PHF24: variants seen among roughly 807,000 people sequenced by gnomAD.
The protein encoded by PHF24 is PHD finger protein 24.
A neutral mutation model predicts 42.6 loss-of-function variants in PHF24; 25 were observed. That is an observed-to-expected ratio of 0.59 (90% CI 0.43 to 0.82). The LOEUF (loss-of-function observed/expected upper bound fraction) is 0.82. PHF24 is among the 40% of genes least tolerant of loss of function. The pLI is 0.00. For synonymous variants in PHF24, 185 were observed against 204.8 expected (o/e 0.90, Z 0.83); for missense variants, 470 against 538.1 (o/e 0.87, Z 1.25).
chr9:34,977,663 G>A (rs1333331268), intron 7 of PHF24, 22 bp downstream of exon 7: 1 of 1,551,866 alleles, frequency 6.4e-7, no homozygotes, highest in Non-Finnish European at 8.8e-7. Context: ...CTCCTCACCT[G>A]GCCATTTGTA....
chr9:34,858,630 T>G, the PHF24 span, among the ~76,000 whole-genome samples: 2 of 152,222 alleles, frequency 1.3e-5, no homozygotes, highest in Non-Finnish European at 2.9e-5. Flanking sequence ...CCAAGGGTGC[T>G]GACTTGGCAC....
chr9:34,684,271 C>G, the PHF24 span, among the ~76,000 whole-genome samples: 1 of 152,168 alleles, frequency 6.6e-6, no homozygotes, highest in East Asian at 1.9e-4. Flanking sequence ...GGGTTGCAGA[C>G]AGTGATGAGG....
the PHF24 span, among the ~76,000 whole-genome samples, chr9:34,887,088 T>G: frequency 6.6e-6 from 1 of 152,198 alleles, no homozygotes; most frequent in African/African-American, 2.4e-5. Context: ...CTGCCAGTTG[T>G]TCAGGGCAAA....
the PHF24 span, chr9:34,834,638 G>A: frequency 6.5e-7 from 1 of 1,548,842 alleles, no homozygotes; most frequent in Admixed American, 2.0e-5. Context: ...TTTGCCACAG[G>A]GCTCATGCTG....
At chr9:34,851,383 G>A in the PHF24 span, among the ~76,000 whole-genome samples, 45 of 152,290 alleles carry the variant, frequency 3.0e-4, no homozygotes, top group South Asian at 1.5e-3. Context: ...GCGAGACTCC[G>A]TGGGTGTAGG....
chr9:34,766,155 T>C, the PHF24 span, among the ~76,000 whole-genome samples: 1 of 152,224 alleles, frequency 6.6e-6, no homozygotes, highest in Non-Finnish European at 1.5e-5. Flanking sequence ...ATTTCAACTT[T>C]GGTGAATCTG....
At chr9:34,683,125 A>C in the PHF24 span, among the ~76,000 whole-genome samples, 1 of 151,700 alleles carries the variant, frequency 6.6e-6, no homozygotes, top group Non-Finnish European at 1.5e-5. Context: ...CAATGGCACA[A>C]TCTCAGCTCA....
chr9:34,869,582 GCCTCC>G, the PHF24 span, among the ~76,000 whole-genome samples: 1 of 151,900 alleles, frequency 6.6e-6, no homozygotes, highest in Admixed American at 6.6e-5. Context: ...AGCTCCCCCT[GCCTCC>G]CACTTTACCC....
the PHF24 span, among the ~76,000 whole-genome samples, chr9:34,667,885 G>C: frequency 6.6e-6 from 1 of 152,166 alleles, no homozygotes; most frequent in Non-Finnish European, 1.5e-5. Context: ...TGTTTTAGGG[G>C]CTTCCTTGTG....
At chr9:34,942,047 G>A in the PHF24 span, among the ~76,000 whole-genome samples, 1 of 152,178 alleles carries the variant, frequency 6.6e-6, no homozygotes, top group Non-Finnish European at 1.5e-5. Flanking sequence ...AGCAGCAGTA[G>A]CCAGACTTCC....
At chr9:34,889,423 C>T in the PHF24 span, 1 of 398,628 alleles carries the variant, frequency 2.5e-6, no homozygotes. Context: ...GGAGGCTGAG[C>T]CTCAGGGTCC....
the PHF24 span, among the ~76,000 whole-genome samples, chr9:34,821,649 T>C: frequency 6.6e-6 from 1 of 152,210 alleles, no homozygotes; most frequent in Non-Finnish European, 1.5e-5. Flanking sequence ...TGTGTGTAGC[T>C]TCCTGCTGAA....
the PHF24 span, among the ~76,000 whole-genome samples, chr9:34,845,897 G>A: frequency 3.3e-5 from 5 of 151,806 alleles, no homozygotes; most frequent in Non-Finnish European, 5.9e-5. Context: ...ATGATTTCCA[G>A]TTTCATCCAT....
At chr9:34,800,323 AG>A in the PHF24 span, among the ~76,000 whole-genome samples, 1 of 152,178 alleles carries the variant, frequency 6.6e-6, no homozygotes, top group African/African-American at 2.4e-5. Flanking sequence ...AAAAAATCAT[AG>A]GAATTTATTA....
At chr9:34,791,327 GTAAC>G in the PHF24 span, among the ~76,000 whole-genome samples, 3 of 152,212 alleles carry the variant, frequency 2.0e-5, no homozygotes, top group South Asian at 2.1e-4. Context: ...TTTGGCCTGA[GTAAC>G]TGGGTGAAAG....
At chr9:34,702,403 A>G in the PHF24 span, among the ~76,000 whole-genome samples, 8 of 152,184 alleles carry the variant, frequency 5.3e-5, no homozygotes, top group Non-Finnish European at 1.0e-4. Context: ...TTAGGCCTTC[A>G]CAAGTGGTGT....
chr9:34,680,507 T>C, the PHF24 span, among the ~76,000 whole-genome samples: 2 of 150,504 alleles, frequency 1.3e-5, no homozygotes, highest in South Asian at 2.1e-4. Flanking sequence ...GCTAAAACGG[T>C]GAAACCCCGT....
At chr9:34,927,187 A>G in the PHF24 span, among the ~76,000 whole-genome samples, 25 of 152,136 alleles carry the variant, frequency 1.6e-4, no homozygotes, top group Admixed American at 1.6e-3. Context: ...ATCTGGCTGG[A>G]AGTGCAGTAA....
chr9:34,918,023 C>A, the PHF24 span: 1 of 1,255,270 alleles, frequency 8.0e-7, no homozygotes, highest in Non-Finnish European at 1.2e-6. Context: ...GACACCAGTA[C>A]CACATCTGTG....
Sources: gnomAD v4.1 joint callset for allele counts (sites outside exome capture counted in the v4.1 genomes callset) on GRCh38, gnomAD v4.1.1 for gene constraint, MANE v1.5 for transcripts, NCBI Gene and HGNC (gene_info 2026-07-23, HGNC 2026-07-21) for gene names.